Variants in PPARGC1B observed in about 807,000 individuals in gnomAD.
PPARGC1B encodes the protein peroxisome proliferator-activated receptor gamma coactivator 1-beta.
PPARGC1B carries 34 observed loss-of-function variants against 101.6 expected under a neutral mutation model. The observed-to-expected ratio is 0.33, with a 90% CI of 0.25 to 0.45. The LOEUF is 0.45. PPARGC1B is among the 20% of genes least tolerant of loss of function. The pLI is 1.00. For synonymous variants in PPARGC1B, 548 were observed against 539.3 expected, an observed-to-expected ratio of 1.02 and a Z score of -0.22; for missense variants, 1,234 against 1,317.6, an observed-to-expected ratio of 0.94 and a Z score of 0.98.
At chr5:149,825,991 A>C (rs1314908118) in intron 2 of PPARGC1B, among the ~76,000 whole-genome samples, 1 of 152,234 alleles carries the variant, frequency 6.6e-6, no homozygotes, top group African/African-American at 2.4e-5. Flanking sequence ...AGTCCTCAGC[A>C]GTAACCTTAG....
chr5:149,782,052 T>C (rs781627997), intron 1 of PPARGC1B, among the ~76,000 whole-genome samples: 1 of 151,922 alleles, frequency 6.6e-6, no homozygotes, highest in Non-Finnish European at 1.5e-5. Context: ...TAGATGGGGA[T>C]GGCTTCTTGG....
intron 1 of PPARGC1B, among the ~76,000 whole-genome samples, chr5:149,757,810 C>T (rs1755591591): frequency 6.6e-6 from 1 of 152,196 alleles, no homozygotes; most frequent in Non-Finnish European, 1.5e-5. Flanking sequence ...GTGGCTAGCT[C>T]ATGGGGCTAA....
At chr5:149,824,133 T>C (rs1758412050) in intron 2 of PPARGC1B, among the ~76,000 whole-genome samples, 1 of 152,230 alleles carries the variant, frequency 6.6e-6, no homozygotes, top group African/African-American at 2.4e-5. Context: ...AGGGGAGCAG[T>C]AGCGTGTGCG....
chr5:149,812,538 A>G (rs1040938397), intron 1 of PPARGC1B, among the ~76,000 whole-genome samples: 2 of 152,230 alleles, frequency 1.3e-5, no homozygotes, highest in African/African-American at 4.8e-5. Flanking sequence ...ATTCACTCCC[A>G]TAACTGGAGC....
rs1375126815 is a variant in PPARGC1B at position 149,730,471 on chromosome 5, G to GGGCCGCAGCTGCAGCCGCGGA, written c.78+57_78+77dup. 2.1e-6 allele frequency: 3 copies of GGGCCGCAGCTGCAGCCGCGGA among 1,410,490 alleles called. No homozygotes were observed. The South Asian group carries it at 4.1e-5, about 19-fold the overall frequency. 87.4% of individuals were successfully genotyped at this position (1,410,490 alleles called of 1,614,324 possible). A position where few individuals can be genotyped will look rare whatever the true frequency, so the allele number is the denominator to read the frequency against. ...CGGGGCCAGGGGTGCTGAGCTGCGG[G>GGGCCGCAGCTGCAGCCGCGGA]GGCCGCAGCTGCAGCCGCGGAGGCC... On this transcript the variant is annotated intron_variant, in intron 1 of 11. Coordinates refer to ENST00000309241, the MANE Select transcript of PPARGC1B (RefSeq NM_133263.4). This position sits in a 1 kb window ranked among gnomAD's most constrained non-coding sequence, Gnocchi z 4.0.
intron 1 of PPARGC1B, among the ~76,000 whole-genome samples, chr5:149,800,111 C>G (rs571979343): frequency 7.2e-5 from 11 of 152,120 alleles, no homozygotes; most frequent in Non-Finnish European, 1.6e-4. Context: ...CTCTCCCATG[C>G]CTAACCAACT....
At chr5:149,840,690 G>T (rs927575831) in intron 9 of PPARGC1B, among the ~76,000 whole-genome samples, 11 of 152,152 alleles carry the variant, frequency 7.2e-5, no homozygotes, top group African/African-American at 2.7e-4. Context: ...CCTTTGCCTG[G>T]TGACCCTACT....
At chr5:149,794,215 A>G (rs565034974) in intron 1 of PPARGC1B, among the ~76,000 whole-genome samples, 9 of 152,326 alleles carry the variant, frequency 5.9e-5, no homozygotes, top group African/African-American at 2.2e-4. Flanking sequence ...CTCTTGGGGA[A>G]GGCCTTCCAA....
intron 1 of PPARGC1B, among the ~76,000 whole-genome samples, chr5:149,752,999 G>A (rs1755374051): frequency 6.6e-6 from 1 of 152,062 alleles, no homozygotes; most frequent in Non-Finnish European, 1.5e-5. Flanking sequence ...TACAAACATC[G>A]CATATATGTG....
chr5:149,826,825 C>A lies in PPARGC1B; in HGVS notation c.405C>A (p.Pro135=). 6.2e-7 allele frequency: 1 copy of A among 1,613,932 alleles called. No individual in the cohort carries two copies. The highest frequency in any genetic ancestry group is 8.5e-7 in the Non-Finnish European group (1 of 1,179,842). ...TSASPAPSSA[P]PSPAPEKPSA... ...CTTCGCCTGCCCCCTCATCTGCACC[C>A]CCCAGCCCTGCCCCGGAGAAGCCCT... The change falls in exon 3 of 12, where the codon CCC becomes CCA. Residue 135 remains proline, a synonymous_variant. Coordinates refer to ENST00000309241, the MANE Select transcript of PPARGC1B (RefSeq NM_133263.4).
chr5:149,762,740 T>C (rs2113158435), intron 1 of PPARGC1B, among the ~76,000 whole-genome samples: 1 of 152,328 alleles, frequency 6.6e-6, no homozygotes, highest in Non-Finnish European at 1.5e-5. Context: ...GGTTTTGAGC[T>C]GAATCTCACT....
chr5:149,826,052 C>T (rs549277915), intron 2 of PPARGC1B, among the ~76,000 whole-genome samples: 11 of 152,192 alleles, frequency 7.2e-5, no homozygotes, highest in African/African-American at 1.2e-4. Flanking sequence ...AGCTAACTTG[C>T]CTGAGAGCCC....
At position 149,835,462 on chromosome 5, in the gene PPARGC1B, C is replaced by G. The variant is rs538191695; in HGVS notation, c.1807+97C>G. On this transcript the variant is annotated intron_variant, in intron 7 of 11. Transcript: ENST00000309241. Reference sequence around the variant, plus strand: ...CATGGGCAAGGTGCCACGCAATGAACGATGCGCAAGATGCCTGCCTTCACG... The same window carrying G: ...CATGGGCAAGGTGCCACGCAATGAAGGATGCGCAAGATGCCTGCCTTCACG... The G allele has an allele frequency of 5.0e-5, 55 of 1,091,414 alleles. No individual in the cohort carries two copies. The African/African-American group carries it at 7.5e-4, about 15-fold the overall frequency. 67.6% of individuals were successfully genotyped at this position (1,091,414 alleles called of 1,614,324 possible).
chr5:149,754,145 A>G (rs886600077), intron 1 of PPARGC1B, among the ~76,000 whole-genome samples: 3 of 152,246 alleles, frequency 2.0e-5, no homozygotes, highest in Non-Finnish European at 2.9e-5. Flanking sequence ...ATCTTTGCCA[A>G]TCTGGAGTCT....
intron 1 of PPARGC1B, among the ~76,000 whole-genome samples, chr5:149,778,474 T>G (rs1756477162): frequency 1.3e-5 from 2 of 152,006 alleles, no homozygotes; most frequent in Non-Finnish European, 2.9e-5. Flanking sequence ...CCTTCAGGAC[T>G]GTCTCATGGA....
At chr5:149,835,674 C>T (rs1159005294) in intron 7 of PPARGC1B, among the ~76,000 whole-genome samples, 3 of 152,212 alleles carry the variant, frequency 2.0e-5, no homozygotes, top group African/African-American at 7.2e-5. Flanking sequence ...ACACCAGAGG[C>T]ATATGAGAGG....
At position 149,767,777 on chromosome 5, in the gene PPARGC1B, T is replaced by C. The variant is rs192096567; in HGVS notation, c.78+37357T>C. ...TTGTCTACACCAGCGGTCTCCAACT[T>C]TTTTGGCACCAGGGACTGGTTTCAT... On this transcript the variant is annotated intron_variant, in intron 1 of 11. Coordinates refer to ENST00000309241, the MANE Select transcript of PPARGC1B (RefSeq NM_133263.4). Among the ~76,000 whole-genome samples the C allele has an allele frequency of 5.3e-5, 8 of 152,180 alleles. No homozygotes were observed. In the East Asian group the frequency reaches 1.5e-3, roughly 29 times the overall value.
chr5:149,824,397 C>T (rs777929694), intron 2 of PPARGC1B, among the ~76,000 whole-genome samples: 15 of 152,134 alleles, frequency 9.9e-5, no homozygotes, highest in Non-Finnish European at 1.6e-4. Context: ...GTAAATCTGC[C>T]GTGGTGCCTC....
rs534626318 is a variant in PPARGC1B, at chr5:149,736,601, A to G, written c.78+6181A>G. The stretch of plus-strand genomic sequence containing the variant: ...TAGGTTTTTGTCTGTTTGTAACTAG[A>G]TTCCTGCAGTTACTACCAAAGAGAT... On this transcript the variant is annotated intron_variant, in intron 1 of 11. Transcript: ENST00000309241. Among the ~76,000 whole-genome samples the G allele has an allele frequency of 1.5e-3, 223 of 152,170 alleles. 4 individuals carry two copies. The highest frequency in any genetic ancestry group is 0.011 in the South Asian group (51 of 4,828).
Sources: gnomAD v4.1 joint callset for allele counts (sites outside exome capture counted in the v4.1 genomes callset) on GRCh38, gnomAD v4.1.1 for gene constraint, Gnocchi (gnomAD v3.1) non-coding constraint, MANE v1.5 for transcripts, NCBI Gene and HGNC (gene_info 2026-07-23, HGNC 2026-07-21) for gene names.